The following MRPL2 variants were observed in gnomAD, a reference collection of about 807,000 sequenced individuals.
MRPL2 encodes large ribosomal subunit protein uL2m.
In MRPL2, 27 loss-of-function variants were observed where a neutral mutation model predicts 34.6. The observed-to-expected ratio is 0.78, with a 90% CI of 0.58 to 1.08. The LOEUF (loss-of-function observed/expected upper bound fraction) is 1.08, where lower values mean the gene tolerates loss of function less well. MRPL2 is among the 50% of genes least tolerant of loss of function. The pLI is 0.00. For synonymous variants in MRPL2, 155 were observed against 158.0 expected, an observed-to-expected ratio of 0.98 and a Z score of 0.14; for missense variants, 414 against 419.3, an observed-to-expected ratio of 0.99 and a Z score of 0.11.
At chr6:43,055,359 GAAA>G (rs879136436) in intron 6 of MRPL2, among the ~76,000 whole-genome samples, 183 bp downstream of exon 6, 3 of 145,858 alleles carry the variant, frequency 2.1e-5, no homozygotes, top group Non-Finnish European at 4.5e-5. Flanking sequence ...ACTCTGTCTC[GAAA>G]AAAAAAAAAT....
At chr6:43,056,279 C>CCAT (rs1764876433) in intron 3 of MRPL2, 28 bp downstream of exon 3, 2 of 1,614,006 alleles carry the variant, frequency 1.2e-6, no homozygotes, top group Non-Finnish European at 1.7e-6. Context: ...TCAGACCATT[C>CCAT]CATCATCATC....
At chr6:43,058,710 C>G (rs1389849037) in intron 1 of MRPL2, among the ~76,000 whole-genome samples, 1 of 152,218 alleles carries the variant, frequency 6.6e-6, no homozygotes, top group Admixed American at 6.5e-5. Context: ...TCCAGAGGAG[C>G]AGGACTTACT....
At position 43,058,158 on chromosome 6, in the gene MRPL2, C is replaced by T; in HGVS notation, c.172G>A (p.Ala58Thr). The change falls in exon 2 of 7, where the codon GCC becomes ACC. Residue 58 changes from alanine to threonine, a missense_variant. Physicochemically the swap from Ala to Thr is moderately conservative, Grantham distance 58. Coordinates refer to ENST00000388752, the MANE Select transcript of MRPL2 (RefSeq NM_015950.5). ...LPCRPVLTSV[A>T]LNANFVSWKS... Reference sequence around the variant, plus strand: ...CAGGACACAAAGTTGGCATTAAGGGCCACAGAAGTAAGAACTGGGCGGCAG... The same window carrying T: ...CAGGACACAAAGTTGGCATTAAGGGTCACAGAAGTAAGAACTGGGCGGCAG... The T allele has an allele frequency of 6.2e-7, 1 of 1,614,182 alleles. No homozygotes were observed. Among genetic ancestry groups the T allele is most frequent in the South Asian group, 1.1e-5 (1 of 91,086 alleles).
At chr6:43,057,900 C>T in intron 2 of MRPL2, 165 bp downstream of exon 2, 2 of 699,266 alleles carry the variant, frequency 2.9e-6, no homozygotes, top group Non-Finnish European at 4.7e-6. Context: ...GCTTTGTATT[C>T]TACTCTCTGA....
Position 43,055,163 on chromosome 6 carries a change from G to A in MRPL2, c.705+382C>T, listed in dbSNP as rs1007314030. ...GCGGATTATGAGGTAAGGAGTTTGA[G>A]ACCAGCCTGGCCAACATGGTGAAAC... On this transcript the variant is annotated intron_variant, in intron 6 of 6. Transcript: ENST00000388752. 3.1e-4 allele frequency among the ~76,000 whole-genome samples: 47 copies of A among 152,156 alleles called. No individual in the cohort carries two copies. In the Middle Eastern group the frequency reaches 0.01, roughly 33 times the overall value.
At chr6:43,055,322 G>C (rs1342660493) in intron 6 of MRPL2, among the ~76,000 whole-genome samples, 3 of 151,878 alleles carry the variant, frequency 2.0e-5, no homozygotes, top group Non-Finnish European at 2.9e-5. Context: ...TCGTGCCATT[G>C]CACTCCAGCC....
chr6:43,059,407 A>T lies in MRPL2; in HGVS notation c.-26T>A. 1 of 1,523,192 alleles carries T rather than the reference A, an allele frequency of 6.6e-7. No homozygotes were observed. 94.4% of individuals were successfully genotyped at this position (1,523,192 alleles called of 1,614,324 possible). On this transcript the variant is annotated 5_prime_UTR_variant, in exon 1 of 7. Coordinates refer to ENST00000388752, the MANE Select transcript of MRPL2 (RefSeq NM_015950.5). ...CAGCACGACACCCTTACTTTTAGCCAAGCTGCTCGGTGCTCCTAGATGACG... is the reference window on the plus strand; with the variant it reads ...CAGCACGACACCCTTACTTTTAGCCTAGCTGCTCGGTGCTCCTAGATGACG...
chr6:43,055,655 CAG>C lies in MRPL2; in HGVS notation c.632-39_632-38del, dbSNP rs1491555806. On this transcript the variant is annotated intron_variant, in intron 5 of 6. Coordinates refer to ENST00000388752, the MANE Select transcript of MRPL2 (RefSeq NM_015950.5). ...AGCTGATTTGCCACCCTCCACAAAA[CAG>C]GGGGGTGCAGAGGGACTTACACAGG... 3.4e-4 allele frequency: 542 copies of C among 1,610,838 alleles called. 1 individual carries two copies. The highest frequency in any genetic ancestry group is 8.4e-4 in the South Asian group (76 of 90,994).
chr6:43,056,275 C>G (rs138073441), intron 3 of MRPL2, 32 bp downstream of exon 3: 3 of 1,614,108 alleles, frequency 1.9e-6, no homozygotes, highest in Middle Eastern at 1.6e-4. Flanking sequence ...TTATTCAGAC[C>G]ATTCCATCAT....
Position 43,054,127 on chromosome 6 carries a change from T to C in MRPL2, c.*147A>G. The C allele has an allele frequency of 1.4e-6, 1 of 696,334 alleles. No individual in the cohort carries two copies. The highest frequency in any genetic ancestry group is 1.8e-5 in the African/African-American group (1 of 55,558). 43.1% of individuals were successfully genotyped at this position (696,334 alleles called of 1,614,324 possible). On this transcript the variant is annotated 3_prime_UTR_variant, in exon 7 of 7. Coordinates refer to ENST00000388752, the MANE Select transcript of MRPL2 (RefSeq NM_015950.5). ...GTCCTGTACTTTCTCTTCCACACTT[T>C]TTACTTCTTTTCCCCACGTTTAGTC...
Position 43,054,246 on chromosome 6 carries a change from G to C in MRPL2, c.*28C>G, listed in dbSNP as rs1764728899. 7.2e-7 allele frequency: 1 copy of C among 1,392,766 alleles called. No homozygotes were observed. Among genetic ancestry groups the C allele is most frequent in the Non-Finnish European group, 9.8e-7 (1 of 1,019,002 alleles). The allele number at this position is 1,392,766 out of a possible 1,614,324, so 86.3% of individuals were successfully genotyped here. Reference sequence around the variant, plus strand: ...ACAGTAACAGATTAAAACGGGGGGGGGGGGCATTTTATTAGAGTACAGGGA... The same window carrying C: ...ACAGTAACAGATTAAAACGGGGGGGCGGGGCATTTTATTAGAGTACAGGGA... On this transcript the variant is annotated 3_prime_UTR_variant, in exon 7 of 7. Transcript: ENST00000388752.
At chr6:43,059,139 A>G (rs1211534200) in intron 1 of MRPL2, 147 bp downstream of exon 1, 2 of 1,547,166 alleles carry the variant, frequency 1.3e-6, no homozygotes, top group South Asian at 2.4e-5. Context: ...CTTGTAGAGG[A>G]AAAAGCTGAG....
intron 1 of MRPL2, chr6:43,058,921 CT>C: frequency 1.8e-6 from 1 of 554,450 alleles, no homozygotes; most frequent in Non-Finnish European, 3.2e-6. Flanking sequence ...CCTTGGACTC[CT>C]TATTTTCCTC....
rs1238471151 is a variant in MRPL2 at position 43,054,156 on chromosome 6, A to G, written c.*118T>C. 2.4e-6 allele frequency: 2 copies of G among 821,068 alleles called. No homozygotes were observed. Among genetic ancestry groups the G allele is most frequent in the Non-Finnish European group, 3.8e-6 (2 of 526,604 alleles). 50.9% of individuals were successfully genotyped at this position (821,068 alleles called of 1,614,324 possible). A position where few individuals can be genotyped will look rare whatever the true frequency, so the allele number is the denominator to read the frequency against. On this transcript the variant is annotated 3_prime_UTR_variant, in exon 7 of 7. Coordinates refer to ENST00000388752, the MANE Select transcript of MRPL2 (RefSeq NM_015950.5). ...CTTCTTTTCCCCACGTTTAGTCTGT[A>G]CCATCCCCTCCCCCGCAAAAAAAAA...
Position 43,055,664 on chromosome 6 carries a change from G to A in MRPL2, c.632-46C>T, listed in dbSNP as rs1474698725. On this transcript the variant is annotated intron_variant, in intron 5 of 6. Transcript: ENST00000388752. ...GCCACCCTCCACAAAACAGGGGGGT[G>A]CAGAGGGACTTACACAGGGGACATA... 11 of 1,605,754 alleles carry A rather than the reference G, an allele frequency of 6.9e-6. No homozygotes were observed. The Admixed American group carries it at 1.2e-4, about 17-fold the overall frequency.
At chr6:43,057,355 T>C (rs1764905943) in intron 2 of MRPL2, among the ~76,000 whole-genome samples, 1 of 151,990 alleles carries the variant, frequency 6.6e-6, no homozygotes. Context: ...TAATTTTTTT[T>C]TTGAGACAGT....
chr6:43,059,719 T>C (rs1765034495), upstream of MRPL2: 1 of 1,273,424 alleles, frequency 7.9e-7, no homozygotes, highest in South Asian at 2.3e-5. Context: ...GGCTGAAGGT[T>C]AAGGTCTCTG....
intron 6 of MRPL2, 133 bp downstream of exon 6, chr6:43,055,412 G>T: frequency 5.0e-6 from 4 of 792,358 alleles, no homozygotes; most frequent in Non-Finnish European, 8.2e-6. Flanking sequence ...CCTGAGTCAT[G>T]TGGCAGAAAA....
Position 43,055,860 on chromosome 6 carries a change from C to T in MRPL2, c.631+37G>A, listed in dbSNP as rs772852362. On this transcript the variant is annotated intron_variant, in intron 5 of 6. Coordinates refer to ENST00000388752, the MANE Select transcript of MRPL2 (RefSeq NM_015950.5). Reference sequence around the variant, plus strand: ...ATGGGTTCAGACTCTCCTTGCCTTTCCAAACTATAGGACCCAGGCAACTCC... The same window carrying T: ...ATGGGTTCAGACTCTCCTTGCCTTTTCAAACTATAGGACCCAGGCAACTCC... The T allele has an allele frequency of 3.1e-5, 49 of 1,573,654 alleles. No homozygotes were observed. In the South Asian group the frequency reaches 5.2e-4, roughly 17 times the overall value.
Sources: allele counts gnomAD v4.1 joint callset (sites outside exome capture counted in the v4.1 genomes callset), GRCh38; gene constraint gnomAD v4.1.1; transcripts MANE v1.5; gene names NCBI Gene and HGNC (gene_info 2026-07-23, HGNC 2026-07-21).